The following ATPAF2 variants were observed in gnomAD, a reference collection of about 807,000 sequenced individuals.
ATPAF2 encodes ATP synthase mitochondrial F1 complex assembly factor 2.
ATPAF2 carries 30 observed loss-of-function variants against 36.6 expected under a neutral mutation model. That is an observed-to-expected ratio of 0.82 (90% CI 0.61 to 1.11). ATPAF2 has a LOEUF of 1.11. Ranked by LOEUF, ATPAF2 falls within the 50% of genes most tolerant of loss-of-function variation. The probability of loss-of-function intolerance (pLI) is 0.00; values close to 1 mark genes in which losing one functional copy is unlikely to be tolerated. For synonymous variants in ATPAF2, 140 were observed against 152.6 expected (o/e 0.92, Z 0.61); for missense variants, 321 against 372.3 (o/e 0.86, Z 1.13).
At chr17:18,024,162 T>C in intron 5 of ATPAF2, among the ~76,000 whole-genome samples, 1 of 152,274 alleles carries the variant, frequency 6.6e-6, no homozygotes, top group East Asian at 1.9e-4. Flanking sequence ...AGCCTTTACA[T>C]GCATCAATTC....
At chr17:18,028,170 G>T (rs758023269) in intron 3 of ATPAF2, 62 bp downstream of exon 3, 3 of 1,607,432 alleles carry the variant, frequency 1.9e-6, no homozygotes, top group Non-Finnish European at 2.6e-6. Flanking sequence ...TTTGGTAAAG[G>T]GTCTACCCTA....
chr17:18,024,467 T>A (rs2044514758), intron 5 of ATPAF2, among the ~76,000 whole-genome samples, 157 bp downstream of exon 5: 1 of 152,108 alleles, frequency 6.6e-6, no homozygotes, highest in South Asian at 2.1e-4. Flanking sequence ...GATGACCCTA[T>A]CCCTGATCAT....
At chr17:18,031,019 C>A (rs1293608671) in intron 1 of ATPAF2, among the ~76,000 whole-genome samples, 3 of 135,072 alleles carry the variant, frequency 2.2e-5, no homozygotes, top group African/African-American at 8.5e-5. Context: ...GTCGCCCAGG[C>A]TGTAGTGCAG....
intron 7 of ATPAF2, among the ~76,000 whole-genome samples, chr17:18,019,043 G>A (rs1417185239): frequency 6.6e-6 from 1 of 152,198 alleles, no homozygotes; most frequent in Non-Finnish European, 1.5e-5. Flanking sequence ...AGAGACTGAG[G>A]TAGGAGGACT....
At chr17:18,016,049 C>A (rs201748313), downstream of ATPAF2, 4 of 1,612,572 alleles carry the variant, frequency 2.5e-6, no homozygotes, top group East Asian at 4.5e-5. Context: ...TCATTGGATT[C>A]TTTTCACTCA....
chr17:18,028,417 G>A, intron 2 of ATPAF2, 40 bp from the exon 3 acceptor site: 1 of 1,608,492 alleles, frequency 6.2e-7, no homozygotes, highest in Non-Finnish European at 8.5e-7. Context: ...GATTTGTTAA[G>A]TGGAATCAAG....
rs761579521 is a variant in ATPAF2 at position 18,028,157 on chromosome 17, G to A, written c.324+75C>T. The stretch of plus-strand genomic sequence containing the variant: ...AGGACCAGCCCCCAGGGCCTTGTCG[G>A]AATTTGGTAAAGGGTCTACCCTACG... On this transcript the variant is annotated intron_variant, in intron 3 of 7. Coordinates refer to ENST00000474627, the MANE Select transcript of ATPAF2 (RefSeq NM_145691.4). 1.9e-6 allele frequency: 3 copies of A among 1,596,868 alleles called. No individual in the cohort carries two copies. The Admixed American group carries it at 5.0e-5, about 27-fold the overall frequency.
intron 5 of ATPAF2, among the ~76,000 whole-genome samples, chr17:18,022,594 CTTTTTTTTTTTTT>C (rs34473758): frequency 4.1e-5 from 5 of 121,394 alleles, no homozygotes; most frequent in African/African-American, 9.1e-5. Context: ...TTTTTTCAAA[CTTTTTTTTTTTTT>C]TTTTTTTTTG....
chr17:18,019,506 T>C (rs908400265), intron 7 of ATPAF2, among the ~76,000 whole-genome samples: 8 of 152,278 alleles, frequency 5.3e-5, no homozygotes, highest in African/African-American at 1.9e-4. Context: ...GCTTCAACTC[T>C]GACTCTTGTG....
intron 1 of ATPAF2, among the ~76,000 whole-genome samples, chr17:18,032,840 T>A (rs1181133002): frequency 6.6e-6 from 1 of 151,518 alleles, no homozygotes; most frequent in African/African-American, 2.4e-5. Context: ...GATTCAATTT[T>A]TTTTTTTTTT....
chr17:18,021,035 A>C (rs1212341505), intron 7 of ATPAF2, 88 bp downstream of exon 7: 1 of 1,517,620 alleles, frequency 6.6e-7, no homozygotes, highest in Non-Finnish European at 8.9e-7. Flanking sequence ...CCAAGTATGC[A>C]TAACTATATT....
rs562389150 is a variant in ATPAF2, at chr17:18,032,836, AT to A, written c.134-4178del. On this transcript the variant is annotated intron_variant, in intron 1 of 7. Coordinates refer to ENST00000474627, the MANE Select transcript of ATPAF2 (RefSeq NM_145691.4). ...GGTACCAAACTTTCTGATTGATTCA[AT>A]TTTTTTTTTTTTTTTTTGGCAGAGC... is the stretch of plus-strand genomic sequence containing the variant. Among the ~76,000 whole-genome samples the A allele has an allele frequency of 8.2e-3, 1,140 of 139,740 alleles. 6 individuals carry two copies. Among genetic ancestry groups the A allele is most frequent in the African/African-American group, 0.013 (496 of 38,026 alleles). The allele number at this position is 139,740 out of a possible 152,430, so 91.7% of individuals were successfully genotyped here. A position where few individuals can be genotyped will look rare whatever the true frequency, so the allele number is the denominator to read the frequency against.
At chr17:18,030,717 G>A (rs1426487064) in intron 1 of ATPAF2, among the ~76,000 whole-genome samples, 1 of 143,878 alleles carries the variant, frequency 7.0e-6, no homozygotes. Flanking sequence ...GCCCACGCTG[G>A]AGTGCAGTAG....
intron 7 of ATPAF2, 71 bp downstream of exon 7, chr17:18,021,052 G>A: frequency 6.5e-7 from 1 of 1,545,868 alleles, no homozygotes; most frequent in Non-Finnish European, 8.8e-7. Context: ...TATTTCAGAT[G>A]GGTTAGCTGC....
At chr17:18,026,931 T>G (rs2044554528) in intron 3 of ATPAF2, among the ~76,000 whole-genome samples, 1 of 152,030 alleles carries the variant, frequency 6.6e-6, no homozygotes, top group Non-Finnish European at 1.5e-5. Context: ...ATCAAGATTA[T>G]TTTTTTCGGC....
intron 1 of ATPAF2, 56 bp downstream of exon 1, chr17:18,038,825 G>A: frequency 6.2e-7 from 1 of 1,605,676 alleles, no homozygotes; most frequent in Non-Finnish European, 8.5e-7. Flanking sequence ...GCCGAAGCCC[G>A]AAGCCCACCT....
At chr17:18,021,482 T>C in intron 6 of ATPAF2, 1 of 632,870 alleles carries the variant, frequency 1.6e-6, no homozygotes, top group African/African-American at 1.8e-5. Flanking sequence ...GTCTAGTGAT[T>C]GGTTCATGGA....
intron 3 of ATPAF2, 94 bp from the exon 4 acceptor site, chr17:18,026,510 C>G (rs2044547988): frequency 1.1e-6 from 1 of 896,682 alleles, no homozygotes; most frequent in South Asian, 1.3e-5. Flanking sequence ...ACATAGCAGA[C>G]AGCACCACAG....
chr17:18,020,903 C>T, intron 7 of ATPAF2: 1 of 1,213,074 alleles, frequency 8.2e-7, no homozygotes, highest in South Asian at 1.6e-5. Context: ...TCAAATGATC[C>T]ATCCTCCTCA....
Sources: allele counts gnomAD v4.1 joint callset (sites outside exome capture counted in the v4.1 genomes callset), GRCh38; gene constraint gnomAD v4.1.1; transcripts MANE v1.5; gene names NCBI Gene and HGNC (gene_info 2026-07-23, HGNC 2026-07-21).